The following MAPK8IP3 variants were observed in gnomAD, a reference collection of about 807,000 sequenced individuals.
MAPK8IP3 encodes mitogen-activated protein kinase 8 interacting protein 3, also known as C-Jun-amino-terminal kinase-interacting protein 3.
In MAPK8IP3, 49 loss-of-function variants were observed where a neutral mutation model predicts 157.8. The observed-to-expected ratio is 0.31, with a 90% confidence interval of 0.25 to 0.39. The LOEUF is 0.39. MAPK8IP3 is among the 10% of genes least tolerant of loss of function. The probability of loss-of-function intolerance (pLI) is 1.00; values close to 1 mark genes in which losing one functional copy is unlikely to be tolerated. For synonymous variants in MAPK8IP3, 897 were observed against 777.7 expected (o/e 1.15, Z -2.55); for missense variants, 1,478 against 1,889.4 (o/e 0.78, Z 4.04).
At chr16:1,746,897 C>T in intron 5 of MAPK8IP3, 132 bp from the exon 6 acceptor site, 2 of 1,147,956 alleles carry the variant, frequency 1.7e-6, no homozygotes, top group Non-Finnish European at 2.4e-6. Context: ...GGCAGAGGAG[C>T]TCTGGCCCGC....
intron 8 of MAPK8IP3, among the ~76,000 whole-genome samples, chr16:1,755,324 G>C (rs2041530498): frequency 6.6e-6 from 1 of 152,222 alleles, no homozygotes; most frequent in Non-Finnish European, 1.5e-5. Flanking sequence ...GTAAACAGCA[G>C]TGATTTCCAG....
At chr16:1,720,180 G>A (rs572761218) in intron 1 of MAPK8IP3, among the ~76,000 whole-genome samples, 23 of 152,108 alleles carry the variant, frequency 1.5e-4, no homozygotes, top group African/African-American at 3.9e-4. Flanking sequence ...GATTACAGGC[G>A]CACGCCACCA....
At chr16:1,750,649 T>A (rs1447054094) in intron 8 of MAPK8IP3, among the ~76,000 whole-genome samples, 3 of 95,908 alleles carry the variant, frequency 3.1e-5, no homozygotes, top group Non-Finnish European at 7.0e-5. Context: ...GCTATAATGA[T>A]TTTTTTTTTT....
Position 1,768,065 on chromosome 16 carries a change from C to T in MAPK8IP3, c.3524-4C>T. The T allele has an allele frequency of 6.2e-7, 1 of 1,612,448 alleles. No homozygotes were observed. Among genetic ancestry groups the T allele is most frequent in the Non-Finnish European group, 8.5e-7 (1 of 1,180,004 alleles). On this transcript the variant is annotated splice_region_variant and splice_polypyrimidine_tract_variant and intron_variant, in intron 28 of 31. Transcript: ENST00000610761. ...CTTCTCCCATGCTCCTCCCATGTCC[C>T]CAGCTGTGGTCCTGCACCGAGGCCA...
In MAPK8IP3 at chr16:1,743,181, T is replaced by C. The variant is rs982557449; in HGVS notation, c.603-151T>C. Among the ~76,000 whole-genome samples the C allele has an allele frequency of 6.6e-6, 1 of 152,162 alleles. No homozygotes were observed. Among genetic ancestry groups the C allele is most frequent in the African/African-American group, 2.4e-5 (1 of 41,440 alleles). On this transcript the variant is annotated intron_variant, in intron 4 of 31. Coordinates refer to ENST00000610761, the MANE Select transcript of MAPK8IP3 (RefSeq NM_001318852.2). This position sits in a 1 kb window ranked among gnomAD's most constrained non-coding sequence, Gnocchi z 5.6. ...GCATCATGGGAGGGGAAGCGCCACG[T>C]AGGATCATAACTGAGTAGCTGCTCG...
intron 8 of MAPK8IP3, among the ~76,000 whole-genome samples, chr16:1,757,067 T>C (rs1298293750): frequency 6.6e-6 from 1 of 152,144 alleles, no homozygotes; most frequent in African/African-American, 2.4e-5. Flanking sequence ...ATTATTGGAA[T>C]TCCGATAACA....
At chr16:1,761,134 G>A (rs374074747) in intron 12 of MAPK8IP3, 90 bp from the exon 13 acceptor site, 3 of 1,027,520 alleles carry the variant, frequency 2.9e-6, no homozygotes, top group East Asian at 2.4e-5. Context: ...CAGAGGCAAG[G>A]ACACAGGTTC....
chr16:1,765,945 C>T lies in MAPK8IP3; in HGVS notation c.2447-15C>T, dbSNP rs2575371. The T allele has an allele frequency of 0.52, 831,299 of 1,598,116 alleles. 229,405 individuals carry two copies. Among genetic ancestry groups the T allele is most frequent in the Non-Finnish European group, 0.58 (674,415 of 1,170,604 alleles). ...GGTTCCCCCGCACAGGCTGACGGGC[C>T]GTCCCTCTCCCCAGCGGCCAGCGAC... On this transcript the variant is annotated splice_polypyrimidine_tract_variant and intron_variant, in intron 20 of 31. Coordinates refer to ENST00000610761, the MANE Select transcript of MAPK8IP3 (RefSeq NM_001318852.2).
At position 1,754,158 on chromosome 16, in the gene MAPK8IP3, A is replaced by G. The variant is rs148877439; in HGVS notation, c.1217-3990A>G. On this transcript the variant is annotated intron_variant, in intron 8 of 31. Transcript: ENST00000610761. ...ACCGCACTGCAGCCTGGGCAGTAAG[A>G]GCGAAACTCTGTCTCAAAAAAAAAA... Among the ~76,000 whole-genome samples, 612 of 151,110 alleles carry G rather than the reference A, an allele frequency of 4.1e-3. 3 individuals carry two copies. The highest frequency in any genetic ancestry group is 0.013 in the African/African-American group (541 of 40,956).
chr16:1,728,099 C>G (rs1269338794), intron 2 of MAPK8IP3, among the ~76,000 whole-genome samples: 1 of 152,236 alleles, frequency 6.6e-6, no homozygotes, highest in Non-Finnish European at 1.5e-5. Flanking sequence ...AGGCGGCCAT[C>G]AGGCCGGGGG....
rs2041482224 is a variant in MAPK8IP3 at position 1,754,555 on chromosome 16, C to T, written c.1217-3593C>T. On this transcript the variant is annotated intron_variant, in intron 8 of 31. Coordinates refer to ENST00000610761, the MANE Select transcript of MAPK8IP3 (RefSeq NM_001318852.2). ...GTGGGAGGCCAGGGTGGGCGGATCA[C>T]AAGGTCAGGAGTTCGAGACCACTCT... 2.6e-5 allele frequency among the ~76,000 whole-genome samples: 4 copies of T among 152,212 alleles called. No homozygotes were observed. The South Asian group carries it at 8.3e-4, about 32-fold the overall frequency.
intron 8 of MAPK8IP3, among the ~76,000 whole-genome samples, chr16:1,757,321 G>T (rs967211950): frequency 2.0e-5 from 3 of 152,116 alleles, no homozygotes; most frequent in African/African-American, 7.2e-5. Context: ...AGCCAGGATG[G>T]TCTCAATCTC....
chr16:1,743,558 AGG>A lies in MAPK8IP3; in HGVS notation c.747+83_747+84del. On this transcript the variant is annotated intron_variant, in intron 5 of 31. Coordinates refer to ENST00000610761, the MANE Select transcript of MAPK8IP3 (RefSeq NM_001318852.2). The surrounding 1 kb of genome is among the most constrained non-coding windows in gnomAD (Gnocchi z 5.6). Reference sequence around the variant, plus strand: ...TCACTGGGGCGGGAGCCTCGTCTGCAGGCAGCCCTTCACGGCTCTCTGGGCCA... The same window carrying A: ...TCACTGGGGCGGGAGCCTCGTCTGCACAGCCCTTCACGGCTCTCTGGGCCA... The A allele has an allele frequency of 6.5e-7, 1 of 1,539,770 alleles. No individual in the cohort carries two copies. Among genetic ancestry groups the A allele is most frequent in the Non-Finnish European group, 8.7e-7 (1 of 1,153,674 alleles).
At chr16:1,739,608 TTCCGTGTGACCG>T (rs1160212457) in intron 4 of MAPK8IP3, among the ~76,000 whole-genome samples, 3 of 51,290 alleles carry the variant, frequency 5.8e-5, no homozygotes, top group Admixed American at 4.8e-4. Context: ...CCGTGTGAGC[TTCCGTGTGACCG>T]TCCGTGTGAG....
At position 1,766,731 on chromosome 16, in the gene MAPK8IP3, T is replaced by A; in HGVS notation, c.2948T>A (p.Val983Glu). 1 of 1,612,840 alleles carries A rather than the reference T, an allele frequency of 6.2e-7. No individual in the cohort carries two copies. Among genetic ancestry groups the A allele is most frequent in the Non-Finnish European group, 8.5e-7 (1 of 1,179,930 alleles). Residue 983 changes from valine (V) to glutamate (E), a missense_variant, in exon 24 of 32, where the codon GTG becomes GAG. Val to Glu is a moderately radical substitution (Grantham distance 121). This residue lies in a region of MAPK8IP3 where 669 missense variants were observed against 759.8 expected (regional missense o/e 0.88). Transcript: ENST00000610761. ...WLGAQNGWLYVHSAVANWKKC... is the reference protein window; with the variant it reads ...WLGAQNGWLYEHSAVANWKKC... ...GCCGCTTCCTTCCCTAGGCTCTATG[T>A]GCACTCGGCTGTGGCCAACTGGAAG... is the stretch of plus-strand genomic sequence containing the variant.
intron 9 of MAPK8IP3, among the ~76,000 whole-genome samples, chr16:1,758,695 C>T (rs1397674823): frequency 1.3e-5 from 2 of 152,254 alleles, no homozygotes; most frequent in Non-Finnish European, 2.9e-5. Flanking sequence ...CCCCACCCAG[C>T]CCAGAATTTG....
intron 29 of MAPK8IP3, 38 bp downstream of exon 29, chr16:1,768,145 C>T (rs2042386242): frequency 6.2e-7 from 1 of 1,612,168 alleles, no homozygotes; most frequent in South Asian, 1.1e-5. Context: ...ACGGGAGCCT[C>T]TCCCACTCTC....
intron 1 of MAPK8IP3, among the ~76,000 whole-genome samples, chr16:1,713,310 C>G (rs1423311054): frequency 6.6e-6 from 1 of 152,188 alleles, no homozygotes; most frequent in Non-Finnish European, 1.5e-5. Context: ...TCTCAAACTT[C>G]TGGACCGAAG....
chr16:1,706,843 A>C lies in MAPK8IP3; in HGVS notation c.318+186A>C, dbSNP rs868465281. Among the ~76,000 whole-genome samples the C allele has an allele frequency of 0.05, 286 of 5,758 alleles. No homozygotes were observed. The highest frequency in any genetic ancestry group is 0.17 in the Middle Eastern group (2 of 12). 3.8% of individuals were successfully genotyped at this position (5,758 alleles called of 152,430 possible). On this transcript the variant is annotated intron_variant, in intron 1 of 31. Coordinates refer to ENST00000610761, the MANE Select transcript of MAPK8IP3 (RefSeq NM_001318852.2). This position sits in a 1 kb window ranked among gnomAD's most constrained non-coding sequence, Gnocchi z 5.1. ...ATATCCCCCGCCCCGGGACTTCCCCACCCCCTCTGCCCGCCGTGAGACACC... is the reference window on the plus strand; with the variant it reads ...ATATCCCCCGCCCCGGGACTTCCCCCCCCCCTCTGCCCGCCGTGAGACACC...
Sources: allele counts gnomAD v4.1 joint callset (sites outside exome capture counted in the v4.1 genomes callset), GRCh38; gene constraint gnomAD v4.1.1; regional missense constraint gnomAD v4.1.1; non-coding constraint Gnocchi (gnomAD v3.1); transcripts MANE v1.5; gene names NCBI Gene and HGNC (gene_info 2026-07-23, HGNC 2026-07-21).